FAN1: variants seen among roughly 807,000 people sequenced by gnomAD.
FAN1 encodes fanconi-associated nuclease 1.
In FAN1, 91 loss-of-function variants were observed where a neutral mutation model predicts 104.9. The ratio of observed to expected loss-of-function variants is 0.87; its 90% confidence interval spans 0.73 to 1.03. The LOEUF (loss-of-function observed/expected upper bound fraction) is 1.03. Ranked by LOEUF, FAN1 falls within the 50% of genes least tolerant of loss-of-function variation. The pLI is 0.00. For synonymous variants in FAN1, 478 were observed against 457.6 expected (o/e 1.04, Z -0.57); for missense variants, 1,263 against 1,239.9 (o/e 1.02, Z -0.28).
Position 30,905,908 on chromosome 15 carries a change from C to T in FAN1, c.1234+11C>T. 1 of 1,601,900 alleles carries T rather than the reference C, an allele frequency of 6.2e-7. No homozygotes were observed. Among genetic ancestry groups the T allele is most frequent in the Non-Finnish European group, 8.5e-7 (1 of 1,173,238 alleles). On this transcript the variant is annotated intron_variant, in intron 2 of 14. Transcript: ENST00000362065. ...TTTATCAGTTATCAGGTATCTTACG[C>T]ACGTGTTTGTTTTCAAGTTTTCATT...
intron 14 of FAN1, chr15:30,940,590 G>A: frequency 1.0e-6 from 1 of 985,340 alleles, no homozygotes; most frequent in Non-Finnish European, 1.2e-6. Flanking sequence ...TGTTTTTGAG[G>A]GCGAGTTTTG....
chr15:30,918,188 G>C lies in FAN1; in HGVS notation c.1836G>C (p.Leu612=), dbSNP rs201558469. The stretch of plus-strand genomic sequence containing the variant: ...GATATGCAGCAGCCACGCACATGCT[G>C]AGTGACATTTCTTCCGCAATGGCCA... ...LIRYAAATHM[L]SDISSAMANG... is the part of the protein sequence containing the mutation. Residue 612 remains leucine (L), a synonymous_variant, in exon 6 of 15, where the codon CTG becomes CTC. Coordinates refer to ENST00000362065, the MANE Select transcript of FAN1 (RefSeq NM_014967.5). 1 of 1,613,916 alleles carries C rather than the reference G, an allele frequency of 6.2e-7. No homozygotes were observed. The highest frequency in any genetic ancestry group is 1.1e-5 in the South Asian group (1 of 91,080).
Position 30,908,194 on chromosome 15 carries a change from AG to A in FAN1, c.1312del (p.Glu438ArgfsTer4), listed in dbSNP as rs777369804. On this transcript the variant is annotated frameshift_variant, in exon 3 of 15. Transcript: ENST00000362065. LOFTEE classifies it high-confidence loss of function. ...WIKMTKLEYE[E>X]IALDLTPVIE... ...TTAAGATGACCAAATTAGAGTATGA[AG>A]AGATTGCCTTAGACTTAACACCTGT... The A allele has an allele frequency of 6.2e-7, 1 of 1,611,770 alleles. No individual in the cohort carries two copies. The highest frequency in any genetic ancestry group is 8.5e-7 in the Non-Finnish European group (1 of 1,178,824).
In FAN1 at chr15:30,941,575, A is replaced by G; in HGVS notation, c.*13A>G. On this transcript the variant is annotated 3_prime_UTR_variant, in exon 15 of 15. Transcript: ENST00000362065. ...TGCTTCGTCTGCACAGATTCCCTAC[A>G]GGAGAAAATGGAAATGAGGAGGAGA... The G allele has an allele frequency of 2.5e-6, 4 of 1,600,868 alleles. No homozygotes were observed. Among genetic ancestry groups the G allele is most frequent in the African/African-American group, 1.3e-5 (1 of 74,798 alleles).
intron 14 of FAN1, chr15:30,940,193 T>G (rs751844089): frequency 2.0e-6 from 2 of 984,824 alleles, no homozygotes; most frequent in African/African-American, 3.5e-5. Context: ...GTGGGGGAGG[T>G]GGTGCCCCGT....
intron 13 of FAN1, among the ~76,000 whole-genome samples, chr15:30,933,033 T>C (rs1215791341): frequency 6.6e-6 from 1 of 152,176 alleles, no homozygotes; most frequent in Non-Finnish European, 1.5e-5. Context: ...TATTTCTTAC[T>C]GTATTTTAAT....
In FAN1 at chr15:30,942,260, G is replaced by A. The variant is rs2063079740; in HGVS notation, c.*698G>A. On this transcript the variant is annotated 3_prime_UTR_variant, in exon 15 of 15. Coordinates refer to ENST00000362065, the MANE Select transcript of FAN1 (RefSeq NM_014967.5). ...CTGGAATTACACTTTTTTATGTGTT[G>A]ACTCTACCTAGGCTGTTACTATCAG... 1 of 721,830 alleles carries A rather than the reference G, an allele frequency of 1.4e-6. No individual in the cohort carries two copies. The highest frequency in any genetic ancestry group is 2.2e-6 in the Non-Finnish European group (1 of 446,172). The allele number at this position is 721,830 out of a possible 1,614,324, so 44.7% of individuals were successfully genotyped here.
At chr15:30,931,759 C>T (rs908630594) in intron 13 of FAN1, among the ~76,000 whole-genome samples, 6 of 152,118 alleles carry the variant, frequency 3.9e-5, no homozygotes, top group Admixed American at 6.5e-5. Context: ...TCTATATACT[C>T]TTCGGTTCCA....
intron 14 of FAN1, chr15:30,940,091 C>G: frequency 1.0e-6 from 1 of 984,494 alleles, no homozygotes; most frequent in Non-Finnish European, 1.2e-6. Flanking sequence ...TAACTAGACA[C>G]TTTACTATAA....
chr15:30,938,016 C>G (rs1004152293), intron 14 of FAN1, among the ~76,000 whole-genome samples: 2 of 151,560 alleles, frequency 1.3e-5, no homozygotes, highest in African/African-American at 4.8e-5. Flanking sequence ...AAACCCATCT[C>G]TACTAAAAAT....
intron 6 of FAN1, among the ~76,000 whole-genome samples, chr15:30,919,935 T>C (rs1256583499): frequency 3.9e-5 from 6 of 152,174 alleles, no homozygotes; most frequent in Non-Finnish European, 8.8e-5. Flanking sequence ...TGTATATTTA[T>C]AGAGAAATAA....
intron 13 of FAN1, among the ~76,000 whole-genome samples, chr15:30,935,611 C>CT (rs35505350): frequency 0.76 from 115,343 of 151,992 alleles, 44,922 homozygotes; most frequent in Non-Finnish European, 0.85. Flanking sequence ...ATATCAGGGA[C>CT]TTGAGCATCC....
At chr15:30,926,309 C>G (rs1394899521) in intron 10 of FAN1, among the ~76,000 whole-genome samples, 1 of 152,154 alleles carries the variant, frequency 6.6e-6, no homozygotes, top group African/African-American at 2.4e-5. Context: ...AGAAGCTGGC[C>G]CCAGATATCC....
rs959033855 is a variant in FAN1, at chr15:30,942,607, G to A, written c.*1045G>A. The A allele has an allele frequency of 6.1e-5, 24 of 395,144 alleles. No homozygotes were observed. The highest frequency in any genetic ancestry group is 4.1e-4 in the African/African-American group (20 of 48,592). 24.5% of individuals were successfully genotyped at this position (395,144 alleles called of 1,614,324 possible). ...AGGCGGCATTCCCTGCCACAGTGGC[G>A]GCTTGAATCATCAAGAAATGGATAA... On this transcript the variant is annotated 3_prime_UTR_variant, in exon 15 of 15. Coordinates refer to ENST00000362065, the MANE Select transcript of FAN1 (RefSeq NM_014967.5).
At chr15:30,906,068 G>C (rs1004971393) in intron 2 of FAN1, among the ~76,000 whole-genome samples, 171 bp downstream of exon 2, 4 of 152,098 alleles carry the variant, frequency 2.6e-5, no homozygotes, top group Admixed American at 2.6e-4. Context: ...TTTATTGAGA[G>C]GGATGCATGG....
chr15:30,936,998 A>T, intron 13 of FAN1, 121 bp from the exon 14 acceptor site: 1 of 778,584 alleles, frequency 1.3e-6, no homozygotes, highest in South Asian at 1.7e-5. Context: ...TGTTACACTT[A>T]CAAATACAGT....
At chr15:30,916,934 A>AG (rs2062209561) in intron 5 of FAN1, among the ~76,000 whole-genome samples, 1 of 152,164 alleles carries the variant, frequency 6.6e-6, no homozygotes, top group Non-Finnish European at 1.5e-5. Context: ...AGAATGAGGT[A>AG]GCTGTGTCAG....
chr15:30,935,117 G>C (rs1234572818), intron 13 of FAN1, among the ~76,000 whole-genome samples: 1 of 151,988 alleles, frequency 6.6e-6, no homozygotes, highest in African/African-American at 2.4e-5. Flanking sequence ...ACCAGCTTGG[G>C]CAAACACAGT....
chr15:30,938,456 A>G (rs1340080412), intron 14 of FAN1, among the ~76,000 whole-genome samples: 1 of 152,174 alleles, frequency 6.6e-6, no homozygotes, highest in Non-Finnish European at 1.5e-5. Flanking sequence ...AGTCTTTATC[A>G]GAGGCAGTTG....
Sources: allele counts gnomAD v4.1 joint callset (sites outside exome capture counted in the v4.1 genomes callset), GRCh38; gene constraint gnomAD v4.1.1; transcripts MANE v1.5; gene names NCBI Gene and HGNC (gene_info 2026-07-23, HGNC 2026-07-21).